The following TAFA2 variants were observed in gnomAD, a reference collection of about 807,000 sequenced individuals.
TAFA2 encodes chemokine-like protein TAFA-2.
Under a neutral mutation model 18.8 loss-of-function variants are expected in TAFA2, and 7 were observed. That is an observed-to-expected ratio of 0.37 (90% confidence interval 0.21 to 0.70). The LOEUF is 0.70. TAFA2 is among the 30% of genes least tolerant of loss of function. The pLI is 0.53. For missense variants in TAFA2, 122 were observed against 158.1 expected (o/e 0.77, Z 1.23); for synonymous variants, 60 against 54.2 (o/e 1.11, Z -0.47).
In TAFA2 at chr12:61,960,967, T is replaced by C. The variant is rs528474673; in HGVS notation, c.-1-93541A>G. On this transcript the variant is annotated intron_variant, in intron 1 of 4. Transcript: ENST00000416284. ...AAGAAATACCTGAGCCTAGGTAATTTATAAAGAAAAGAGGCTTAATTGACT... is the reference window on the plus strand; with the variant it reads ...AAGAAATACCTGAGCCTAGGTAATTCATAAAGAAAAGAGGCTTAATTGACT... Among the ~76,000 whole-genome samples, 3 of 152,066 alleles carry C rather than the reference T, an allele frequency of 2.0e-5. No individual in the cohort carries two copies. In the East Asian group the frequency reaches 5.8e-4, roughly 30 times the overall value.
chr12:61,817,381 A>G (rs2121033759), intron 2 of TAFA2, among the ~76,000 whole-genome samples: 1 of 152,322 alleles, frequency 6.6e-6, no homozygotes. Context: ...AGTGAAACTA[A>G]TACATATTAA....
chr12:62,184,502 C>CTATTTTTTTTTTTTT (rs771014284), intron 1 of TAFA2, among the ~76,000 whole-genome samples: 3 of 106,180 alleles, frequency 2.8e-5, no homozygotes, highest in African/African-American at 3.7e-5. Context: ...AAAAAAAATT[C>CTATTTTTTTTTTTTT]TTTTTTTTTT....
chr12:61,905,203 T>C (rs529778272), intron 1 of TAFA2, among the ~76,000 whole-genome samples: 160 of 152,238 alleles, frequency 1.1e-3, no homozygotes, highest in African/African-American at 3.7e-3. Context: ...AGCTATTTTA[T>C]GACTATCTTA....
Position 61,934,449 on chromosome 12 carries a change from G to A in TAFA2, c.-1-67023C>T, listed in dbSNP as rs182619892. The stretch of plus-strand genomic sequence containing the variant: ...TAAAGTTAAGTACTGGGAGAAAGCC[G>A]ACAACTAACTCACCAGGAATTAATG... On this transcript the variant is annotated intron_variant, in intron 1 of 4. Coordinates refer to ENST00000416284, the MANE Select transcript of TAFA2 (RefSeq NM_178539.5). 1.4e-3 allele frequency among the ~76,000 whole-genome samples: 207 copies of A among 152,288 alleles called. 4 individuals are homozygous for A. The highest frequency in any genetic ancestry group is 4.7e-3 in the African/African-American group (197 of 41,556).
chr12:62,030,746 A>G (rs1881434609), intron 1 of TAFA2, among the ~76,000 whole-genome samples: 1 of 152,154 alleles, frequency 6.6e-6, no homozygotes, highest in Non-Finnish European at 1.5e-5. Context: ...AGAATGGAAC[A>G]TGATGGGGTG....
At chr12:62,171,359 A>G (rs945144154) in intron 1 of TAFA2, among the ~76,000 whole-genome samples, 5 of 152,170 alleles carry the variant, frequency 3.3e-5, no homozygotes, top group Admixed American at 2.6e-4. Flanking sequence ...CTGTATGTTG[A>G]CAGTATTTAA....
intron 1 of TAFA2, among the ~76,000 whole-genome samples, chr12:61,985,368 G>A (rs911866298): frequency 3.3e-5 from 5 of 152,206 alleles, no homozygotes; most frequent in African/African-American, 1.2e-4. Flanking sequence ...AAACAGCAGA[G>A]TCTTCTCTTA....
chr12:62,086,803 G>A (rs1340138497), intron 1 of TAFA2, among the ~76,000 whole-genome samples: 1 of 152,054 alleles, frequency 6.6e-6, no homozygotes, highest in Non-Finnish European at 1.5e-5. Context: ...CAAGAGAGTT[G>A]GGAGCAAGGA....
intron 1 of TAFA2, among the ~76,000 whole-genome samples, chr12:61,984,828 T>G (rs1018152475): frequency 6.6e-6 from 1 of 152,180 alleles, no homozygotes; most frequent in Non-Finnish European, 1.5e-5. Flanking sequence ...TTCCTAACAA[T>G]GCAAGTAATA....
At chr12:61,915,600 A>C (rs753634792) in intron 1 of TAFA2, among the ~76,000 whole-genome samples, 10 of 152,202 alleles carry the variant, frequency 6.6e-5, no homozygotes, top group Non-Finnish European at 1.5e-4. Context: ...GTTGTAATTC[A>C]GTCTGAGTCC....
intron 2 of TAFA2, among the ~76,000 whole-genome samples, chr12:61,816,672 TA>T: frequency 6.6e-6 from 1 of 151,372 alleles, no homozygotes; most frequent in South Asian, 2.1e-4. Context: ...CTATTTTAAG[TA>T]GAGCATTGGG....
chr12:61,748,661 G>A (rs529483869), intron 4 of TAFA2, among the ~76,000 whole-genome samples: 2 of 152,172 alleles, frequency 1.3e-5, no homozygotes, highest in African/African-American at 4.8e-5. Flanking sequence ...AGTACAACCT[G>A]AGGCTTTAAT....
At chr12:61,734,292 C>G (rs1173518333) in intron 4 of TAFA2, among the ~76,000 whole-genome samples, 1 of 146,410 alleles carries the variant, frequency 6.8e-6, no homozygotes, top group African/African-American at 2.5e-5. Flanking sequence ...CATGTTCTCA[C>G]TCATAGGTGG....
chr12:62,220,179 A>G (rs1348491490), intron 1 of TAFA2, among the ~76,000 whole-genome samples: 2 of 152,174 alleles, frequency 1.3e-5, no homozygotes, highest in Admixed American at 6.5e-5. Context: ...AAAGAAATGG[A>G]AACAATAAAC....
At position 62,147,318 on chromosome 12, in the gene TAFA2, GTATGTATGTATATATATATATA is replaced by G. The variant is rs1446028922; in HGVS notation, c.-2+43919_-2+43940del. Among the ~76,000 whole-genome samples the G allele has an allele frequency of 1.7e-3, 150 of 87,624 alleles. 7 individuals carry two copies. Among genetic ancestry groups the G allele is most frequent in the African/African-American group, 4.5e-3 (90 of 20,150 alleles). 57.5% of individuals were successfully genotyped at this position (87,624 alleles called of 152,430 possible). ...TATATGTATGCATGTGTGTGTGTGT[GTATGTATGTATATATATATATA>G]TATATATATATATATATATATATAT... On this transcript the variant is annotated intron_variant, in intron 1 of 4. Transcript: ENST00000416284.
chr12:62,246,067 A>C (rs940292118), intron 1 of TAFA2, among the ~76,000 whole-genome samples: 1 of 151,724 alleles, frequency 6.6e-6, no homozygotes, highest in African/African-American at 2.4e-5. Flanking sequence ...GCTCACTGCA[A>C]GCTCCGCCTC....
intron 2 of TAFA2, among the ~76,000 whole-genome samples, chr12:61,820,555 A>G (rs896178058): frequency 2.6e-5 from 4 of 151,984 alleles, no homozygotes; most frequent in African/African-American, 9.7e-5. Flanking sequence ...AAGGAGAAAG[A>G]AAGGAAGGAA....
chr12:61,807,462 G>A (rs1356310312), intron 2 of TAFA2, among the ~76,000 whole-genome samples: 3 of 151,410 alleles, frequency 2.0e-5, no homozygotes, highest in Non-Finnish European at 4.4e-5. Flanking sequence ...CTCTGCTAGG[G>A]CAGTGTGGGA....
intron 1 of TAFA2, among the ~76,000 whole-genome samples, chr12:62,229,671 CT>C (rs571792775): frequency 1.4e-4 from 21 of 145,612 alleles, no homozygotes; most frequent in South Asian, 4.4e-4. Context: ...CCTGTATTTT[CT>C]TTTTTTTTTA....
Sources: gnomAD v4.1 joint callset for allele counts (sites outside exome capture counted in the v4.1 genomes callset) on GRCh38, gnomAD v4.1.1 for gene constraint, MANE v1.5 for transcripts, NCBI Gene and HGNC (gene_info 2026-07-23, HGNC 2026-07-21) for gene names.